CCDC148: variants seen among roughly 807,000 people sequenced by gnomAD.
CCDC148 encodes the protein coiled-coil domain containing 148.
In CCDC148, 89 loss-of-function variants were observed where a neutral mutation model predicts 85.7. The ratio of observed to expected loss-of-function variants is 1.04; its 90% CI spans 0.87 to 1.24. The LOEUF (loss-of-function observed/expected upper bound fraction) is 1.24, where lower values mean the gene tolerates loss of function less well. CCDC148 is among the 50% of genes most tolerant of loss of function. The pLI is 0.00. For synonymous variants in CCDC148, 230 were observed against 213.9 expected (o/e 1.08, Z -0.66); for missense variants, 692 against 671.7 (o/e 1.03, Z -0.33).
Position 158,230,111 on chromosome 2 carries a change from T to C in CCDC148, c.1252-9398A>G, listed in dbSNP as rs894560680. Among the ~76,000 whole-genome samples the C allele has an allele frequency of 1.4e-4, 22 of 152,176 alleles. 1 individual carries two copies. Among genetic ancestry groups the C allele is most frequent in the African/African-American group, 4.8e-4 (20 of 41,436 alleles). On this transcript the variant is annotated intron_variant, in intron 10 of 13. Transcript: ENST00000283233. Reference sequence around the variant, plus strand: ...CCTTACCTATAGTATTAAACCATTATTGACTTTGGGACTTTGACATTCATT... The same window carrying C: ...CCTTACCTATAGTATTAAACCATTACTGACTTTGGGACTTTGACATTCATT...
intron 1 of CCDC148, among the ~76,000 whole-genome samples, chr2:158,448,407 G>A (rs372536984): frequency 6.6e-6 from 1 of 151,414 alleles, no homozygotes; most frequent in Non-Finnish European, 1.5e-5. Context: ...GAGTTCAGTG[G>A]TGTGATCACA....
At chr2:158,294,923 T>G (rs62184073) in intron 9 of CCDC148, among the ~76,000 whole-genome samples, 1 of 151,478 alleles carries the variant, frequency 6.6e-6, no homozygotes, top group Non-Finnish European at 1.5e-5. Flanking sequence ...GTTGACGATA[T>G]TTGACATGAT....
At chr2:158,357,572 T>A (rs77129682) in intron 2 of CCDC148, among the ~76,000 whole-genome samples, 8,512 of 152,196 alleles carry the variant, frequency 0.056, 517 homozygotes, top group African/African-American at 0.15. Context: ...ACCATAAAAT[T>A]TCTTTGAATG....
intron 1 of CCDC148, among the ~76,000 whole-genome samples, chr2:158,441,999 A>G (rs1347218298): frequency 6.6e-6 from 1 of 152,166 alleles, no homozygotes; most frequent in Non-Finnish European, 1.5e-5. Context: ...AAAAACCTAC[A>G]TACTTCAATA....
intron 9 of CCDC148, among the ~76,000 whole-genome samples, chr2:158,309,001 CT>C (rs1345786655): frequency 6.6e-6 from 1 of 152,190 alleles, no homozygotes; most frequent in Non-Finnish European, 1.5e-5. Flanking sequence ...GCCCAGCAAG[CT>C]TGCCCCAATG....
rs151221861 is a variant in CCDC148, at chr2:158,257,807, GTCTAACCT to G, written c.1111-6903_1111-6896del. Reference sequence around the variant, plus strand: ...GTTTCATTTAATTGGGTCCTGGAGGGTCTAACCTTAGTGTAAAACAAAACTTCTAGAGG... The same window carrying G: ...GTTTCATTTAATTGGGTCCTGGAGGGTAGTGTAAAACAAAACTTCTAGAGG... On this transcript the variant is annotated intron_variant, in intron 9 of 13. Coordinates refer to ENST00000283233, the MANE Select transcript of CCDC148 (RefSeq NM_138803.4). 1.4e-3 allele frequency among the ~76,000 whole-genome samples: 216 copies of G among 151,858 alleles called. 3 individuals carry two copies. The East Asian group carries it at 0.037, about 26-fold the overall frequency.
At chr2:158,360,554 A>G (rs970044005) in intron 1 of CCDC148, among the ~76,000 whole-genome samples, 1 of 152,162 alleles carries the variant, frequency 6.6e-6, no homozygotes, top group Non-Finnish European at 1.5e-5. Flanking sequence ...GACCTCCAGC[A>G]AACTCTAGCA....
intron 9 of CCDC148, among the ~76,000 whole-genome samples, chr2:158,305,891 C>T (rs769056656): frequency 1.3e-5 from 2 of 151,824 alleles, no homozygotes; most frequent in South Asian, 4.2e-4. Context: ...AATGGAAAAA[C>T]TGTAACGTAG....
At chr2:158,218,626 T>C (rs1466145007) in intron 11 of CCDC148, among the ~76,000 whole-genome samples, 1 of 152,216 alleles carries the variant, frequency 6.6e-6, no homozygotes, top group Non-Finnish European at 1.5e-5. Context: ...GTTTTCCCCA[T>C]TCCTTTTAAT....
At chr2:158,392,192 C>T (rs956636290) in intron 1 of CCDC148, among the ~76,000 whole-genome samples, 1 of 152,126 alleles carries the variant, frequency 6.6e-6, no homozygotes, top group Non-Finnish European at 1.5e-5. Flanking sequence ...TTTATTCACT[C>T]ATTCAATATT....
chr2:158,383,909 C>T (rs1291360985), intron 1 of CCDC148, among the ~76,000 whole-genome samples: 1 of 152,188 alleles, frequency 6.6e-6, no homozygotes, highest in African/African-American at 2.4e-5. Context: ...CCAAGCACTG[C>T]ATATCGCTGT....
In CCDC148 at chr2:158,440,551, G is replaced by A. The variant is rs564824877; in HGVS notation, c.25+15864C>T. The stretch of plus-strand genomic sequence containing the variant: ...TCGAATAGTACCATAACCTATATAC[G>A]CTGTTTTTTCTTATACTTATGTACC... On this transcript the variant is annotated intron_variant, in intron 1 of 13. Transcript: ENST00000283233. Among the ~76,000 whole-genome samples the A allele has an allele frequency of 1.1e-3, 169 of 152,092 alleles. 2 individuals are homozygous for A. Among genetic ancestry groups the A allele is most frequent in the African/African-American group, 1.6e-3 (65 of 41,492 alleles).
chr2:158,363,925 A>C (rs960432837), intron 1 of CCDC148, among the ~76,000 whole-genome samples: 8 of 152,224 alleles, frequency 5.3e-5, no homozygotes, highest in African/African-American at 1.9e-4. Context: ...CCATCGTCTC[A>C]GCCCAAAATG....
At chr2:158,337,870 T>C (rs897166042) in intron 7 of CCDC148, among the ~76,000 whole-genome samples, 2 of 152,214 alleles carry the variant, frequency 1.3e-5, no homozygotes, top group Non-Finnish European at 2.9e-5. Flanking sequence ...GAGCTGCAGT[T>C]CACAGGCAAT....
At chr2:158,285,818 G>A (rs1690598563) in intron 9 of CCDC148, among the ~76,000 whole-genome samples, 2 of 152,078 alleles carry the variant, frequency 1.3e-5, no homozygotes, top group South Asian at 2.1e-4. Flanking sequence ...TTACAGGAGT[G>A]AGCCACCGCG....
chr2:158,398,376 A>G (rs1685624414), intron 1 of CCDC148, among the ~76,000 whole-genome samples: 1 of 152,154 alleles, frequency 6.6e-6, no homozygotes, highest in Non-Finnish European at 1.5e-5. Context: ...CATAGTTGGA[A>G]GTAAAACACT....
intron 9 of CCDC148, among the ~76,000 whole-genome samples, chr2:158,286,602 T>C (rs563645927): frequency 1.3e-5 from 2 of 152,272 alleles, no homozygotes; most frequent in South Asian, 4.1e-4. Context: ...GCAACACTCA[T>C]TACAAAGCTA....
chr2:158,278,332 A>G (rs1690063559), intron 9 of CCDC148, among the ~76,000 whole-genome samples: 1 of 152,096 alleles, frequency 6.6e-6, no homozygotes, highest in African/African-American at 2.4e-5. Flanking sequence ...ACATTGCCTC[A>G]CTCGGGATGC....
chr2:158,275,100 T>C (rs1689868397), intron 9 of CCDC148, among the ~76,000 whole-genome samples: 1 of 152,248 alleles, frequency 6.6e-6, no homozygotes, highest in African/African-American at 2.4e-5. Flanking sequence ...CTCTCTTTTC[T>C]CTGAGCAGCA....
Sources: allele counts gnomAD v4.1 joint callset (sites outside exome capture counted in the v4.1 genomes callset), GRCh38; gene constraint gnomAD v4.1.1; transcripts MANE v1.5; gene names NCBI Gene and HGNC (gene_info 2026-07-23, HGNC 2026-07-21).